The following BRINP3 variants were observed in gnomAD, a reference collection of about 807,000 sequenced individuals.
BRINP3 encodes the protein BMP/retinoic acid inducible neural specific 3.
Under a neutral mutation model 71.0 loss-of-function variants are expected in BRINP3, and 19 were observed. The ratio of observed to expected loss-of-function variants is 0.27; its 90% CI spans 0.19 to 0.39. BRINP3 has a LOEUF of 0.39. Ranked by LOEUF, BRINP3 falls within the 10% of genes least tolerant of loss-of-function variation. The pLI is 1.00. For synonymous variants in BRINP3, 380 were observed against 337.7 expected (o/e 1.13, Z -1.37); for missense variants, 959 against 940.8 (o/e 1.02, Z -0.25).
At chr1:190,475,695 C>A (rs1182573821) in intron 1 of BRINP3, 1 of 152,228 alleles carries the variant, frequency 6.6e-6, no homozygotes, top group African/African-American at 2.4e-5. Flanking sequence ...CCAGTTAAAA[C>A]GTTCTTGGCA....
At chr1:190,147,947 C>A (rs1656036490) in intron 7 of BRINP3, among the ~76,000 whole-genome samples, 1 of 152,130 alleles carries the variant, frequency 6.6e-6, no homozygotes, top group African/African-American at 2.4e-5. Context: ...TGACTTGGAG[C>A]CAGACATGTA....
chr1:190,465,234 AG>A (rs1558310944), intron 1 of BRINP3, among the ~76,000 whole-genome samples: 1 of 152,020 alleles, frequency 6.6e-6, no homozygotes, highest in Admixed American at 6.6e-5. Flanking sequence ...TAATTCATAA[AG>A]AAATTGTCAG....
chr1:190,127,289 G>C (rs928006663), intron 7 of BRINP3, among the ~76,000 whole-genome samples: 2 of 151,806 alleles, frequency 1.3e-5, no homozygotes, highest in Non-Finnish European at 2.9e-5. Flanking sequence ...GCCTAAGTGA[G>C]AAACACCTAA....
chr1:190,460,447 A>C (rs539334817), intron 1 of BRINP3, among the ~76,000 whole-genome samples: 61 of 152,188 alleles, frequency 4.0e-4, no homozygotes, highest in Admixed American at 7.2e-4. Context: ...AAATATTTTA[A>C]CATAAATTTT....
At chr1:190,262,917 A>G (rs1661315423) in intron 4 of BRINP3, among the ~76,000 whole-genome samples, 1 of 152,072 alleles carries the variant, frequency 6.6e-6, no homozygotes, top group African/African-American at 2.4e-5. Flanking sequence ...GTGTGTATAT[A>G]TATATATTTC....
At chr1:190,259,163 G>T (rs116286378) in intron 4 of BRINP3, among the ~76,000 whole-genome samples, 1 of 150,866 alleles carries the variant, frequency 6.6e-6, no homozygotes, top group Admixed American at 6.6e-5. Context: ...CAGTATTACC[G>T]CCTACCAAAA....
intron 2 of BRINP3, among the ~76,000 whole-genome samples, chr1:190,364,141 T>C (rs1269660762): frequency 1.3e-5 from 2 of 152,182 alleles, no homozygotes; most frequent in Admixed American, 6.6e-5. Context: ...ATATTCAGAC[T>C]GATTCTGGGA....
At chr1:190,107,834 T>TG (rs1406647705) in intron 7 of BRINP3, among the ~76,000 whole-genome samples, 4 of 151,566 alleles carry the variant, frequency 2.6e-5, no homozygotes, top group African/African-American at 4.9e-5. Flanking sequence ...ACTCTTTTAC[T>TG]GGGGAAAATC....
intron 2 of BRINP3, among the ~76,000 whole-genome samples, chr1:190,365,835 TACACACACAC>T (rs943252110): frequency 2.9e-5 from 4 of 136,742 alleles, no homozygotes; most frequent in Non-Finnish European, 3.1e-5. Context: ...TATATATATA[TACACACACAC>T]ATATATAATG....
Position 190,401,388 on chromosome 1 carries a change from AAAAAAAAAAGG to A in BRINP3, c.236+53256_236+53266del, listed in dbSNP as rs1387355513. ...CCCCATCTCAAAACAAAAAAAAAAA[AAAAAAAAAAGG>A]AAAAGAAAAGCAAACAATCAAAAAG... On this transcript the variant is annotated intron_variant, in intron 2 of 7. Transcript: ENST00000367462. Among the ~76,000 whole-genome samples the A allele has an allele frequency of 2.6e-5, 4 of 151,474 alleles. No homozygotes were observed. In the East Asian group the frequency reaches 7.7e-4, roughly 29 times the overall value.
intron 6 of BRINP3, among the ~76,000 whole-genome samples, chr1:190,165,351 A>T (rs201808617): frequency 0.12 from 18,465 of 148,030 alleles, 1,664 homozygotes; most frequent in South Asian, 0.26. Flanking sequence ...CAATAAACTA[A>T]AAAAAAAAAG....
chr1:190,160,721 A>G lies in BRINP3; in HGVS notation c.1131T>C (p.Phe377=), dbSNP rs754666301. Residue 377 remains phenylalanine (F), a synonymous_variant, in exon 7 of 8, where the codon TTT becomes TTC. Transcript: ENST00000367462. ...GTTTATGACACCTCTTGCTAAGGCTAAAAAGCTTGTGTACAATTTTCTGCG... is the reference window on the plus strand; with the variant it reads ...GTTTATGACACCTCTTGCTAAGGCTGAAAAGCTTGTGTACAATTTTCTGCG... ...LKAQKIVHKL[F]SLSKRCHKQP... is the part of the protein sequence containing the mutation. The G allele has an allele frequency of 4.3e-6, 7 of 1,613,428 alleles. No individual in the cohort carries two copies. Among genetic ancestry groups the G allele is most frequent in the African/African-American group, 1.3e-5 (1 of 74,874 alleles).
At chr1:190,131,910 AGTACC>A (rs887240200) in intron 7 of BRINP3, among the ~76,000 whole-genome samples, 3 of 152,110 alleles carry the variant, frequency 2.0e-5, no homozygotes, top group Non-Finnish European at 4.4e-5. Context: ...TGGATATAAT[AGTACC>A]TACAACATAG....
intron 7 of BRINP3, among the ~76,000 whole-genome samples, chr1:190,108,472 A>G (rs933780471): frequency 6.6e-6 from 1 of 151,726 alleles, no homozygotes; most frequent in Non-Finnish European, 1.5e-5. Flanking sequence ...CCTGTTTCAC[A>G]TGACTTTGCT....
intron 5 of BRINP3, among the ~76,000 whole-genome samples, chr1:190,230,757 T>C (rs1425290290): frequency 4.0e-5 from 6 of 151,628 alleles, no homozygotes; most frequent in Non-Finnish European, 8.9e-5. Flanking sequence ...GAATTGTTCC[T>C]GAAATAAAAT....
intron 2 of BRINP3, among the ~76,000 whole-genome samples, chr1:190,290,531 T>C (rs480692): frequency 0.4 from 61,049 of 151,946 alleles, 13,202 homozygotes; most frequent in Non-Finnish European, 0.49. Flanking sequence ...TTTCACTGAT[T>C]AGCAGTCAAT....
intron 2 of BRINP3, among the ~76,000 whole-genome samples, chr1:190,306,674 T>A (rs1288845656): frequency 6.6e-6 from 1 of 151,740 alleles, no homozygotes; most frequent in Non-Finnish European, 1.5e-5. Context: ...GTTTTTTTTT[T>A]AATTCCATGT....
intron 6 of BRINP3, among the ~76,000 whole-genome samples, chr1:190,208,853 G>A (rs916221499): frequency 6.6e-6 from 1 of 152,066 alleles, no homozygotes; most frequent in Admixed American, 6.6e-5. Flanking sequence ...TATATCTATT[G>A]TACAAGTCAC....
intron 2 of BRINP3, among the ~76,000 whole-genome samples, chr1:190,406,960 G>A (rs969412333): frequency 1.3e-5 from 2 of 152,092 alleles, no homozygotes; most frequent in African/African-American, 4.8e-5. Flanking sequence ...CTGATCTTAC[G>A]ATATTTCTGT....
Sources: gnomAD v4.1 joint callset for allele counts (sites outside exome capture counted in the v4.1 genomes callset) on GRCh38, gnomAD v4.1.1 for gene constraint, MANE v1.5 for transcripts, NCBI Gene and HGNC (gene_info 2026-07-23, HGNC 2026-07-21) for gene names.